The following CTNND2 variants were observed in gnomAD, a reference collection of about 807,000 sequenced individuals.
The protein encoded by CTNND2 is catenin delta-2.
In CTNND2, 22 loss-of-function variants were observed where a neutral mutation model predicts 144.4. The ratio of observed to expected loss-of-function variants is 0.15; its 90% CI spans 0.11 to 0.22. The LOEUF (loss-of-function observed/expected upper bound fraction) is 0.22, where lower values mean the gene tolerates loss of function less well. CTNND2 is among the 10% of genes least tolerant of loss of function. CTNND2 has a pLI of 1.00. For synonymous variants in CTNND2, 751 were observed against 695.6 expected (o/e 1.08, Z -1.25); for missense variants, 1,353 against 1,618.8 (o/e 0.84, Z 2.82).
chr5:11,433,718 G>C (rs536632610), intron 3 of CTNND2, among the ~76,000 whole-genome samples: 1 of 152,274 alleles, frequency 6.6e-6, no homozygotes, highest in African/African-American at 2.4e-5. Flanking sequence ...CTATCGCAGA[G>C]ACAGCACCAA....
At chr5:11,618,784 C>T (rs998027585) in intron 2 of CTNND2, among the ~76,000 whole-genome samples, 5 of 151,996 alleles carry the variant, frequency 3.3e-5, no homozygotes, top group South Asian at 2.1e-4. Flanking sequence ...AGGAATTAGG[C>T]GAGCTTAATT....
intron 11 of CTNND2, among the ~76,000 whole-genome samples, chr5:11,197,472 T>G (rs1736981389): frequency 6.6e-6 from 1 of 152,142 alleles, no homozygotes; most frequent in Non-Finnish European, 1.5e-5. Flanking sequence ...GGTGCAAACC[T>G]CCTTCTTCTT....
chr5:11,758,542 T>C (rs866198824), intron 1 of CTNND2, among the ~76,000 whole-genome samples: 15 of 152,138 alleles, frequency 9.9e-5, no homozygotes, highest in Admixed American at 4.6e-4. Flanking sequence ...ATATAGTACC[T>C]TTTTAATGTG....
chr5:11,315,898 G>C (rs1751427579), intron 9 of CTNND2, among the ~76,000 whole-genome samples: 1 of 152,094 alleles, frequency 6.6e-6, no homozygotes, highest in African/African-American at 2.4e-5. Context: ...ATCACCAGTA[G>C]ATAGAAATCA....
chr5:11,475,357 C>T (rs1000903666), intron 3 of CTNND2, among the ~76,000 whole-genome samples: 1 of 152,154 alleles, frequency 6.6e-6, no homozygotes, highest in East Asian at 1.9e-4. Context: ...TTTTATTCAC[C>T]AAACTCCCTA....
intron 2 of CTNND2, among the ~76,000 whole-genome samples, chr5:11,574,790 T>C (rs949209097): frequency 6.6e-6 from 1 of 152,158 alleles, no homozygotes; most frequent in African/African-American, 2.4e-5. Context: ...CCTATACTTA[T>C]ACCACAATAG....
At chr5:11,709,491 G>A (rs1253838425) in intron 2 of CTNND2, among the ~76,000 whole-genome samples, 1 of 152,146 alleles carries the variant, frequency 6.6e-6, no homozygotes, top group Non-Finnish European at 1.5e-5. Flanking sequence ...TAAAGCACTT[G>A]TCAAAATGTC....
chr5:11,449,008 A>AT (rs879926234), intron 3 of CTNND2, among the ~76,000 whole-genome samples: 2,433 of 145,648 alleles, frequency 0.017, 51 homozygotes, highest in African/African-American at 0.057. Flanking sequence ...TGGCCTCAGA[A>AT]TTTTTTTTTT....
intron 2 of CTNND2, among the ~76,000 whole-genome samples, chr5:11,708,335 A>C (rs890872560): frequency 8.5e-5 from 13 of 152,154 alleles, no homozygotes; most frequent in Non-Finnish European, 1.5e-4. Flanking sequence ...TTTGCTAAGG[A>C]AAAAAGCAAT....
intron 19 of CTNND2, among the ~76,000 whole-genome samples, chr5:10,991,512 G>A (rs1738680053): frequency 1.3e-5 from 2 of 152,128 alleles, no homozygotes; most frequent in South Asian, 2.1e-4. Flanking sequence ...AAACTGTGAG[G>A]AAAACAGCAA....
At chr5:11,245,360 T>C (rs1031163620) in intron 9 of CTNND2, among the ~76,000 whole-genome samples, 4 of 152,206 alleles carry the variant, frequency 2.6e-5, no homozygotes, top group Admixed American at 2.6e-4. Context: ...GCAGATGTGA[T>C]TCAGTATCCT....
At chr5:11,712,935 T>A (rs970600615) in intron 2 of CTNND2, among the ~76,000 whole-genome samples, 6 of 152,192 alleles carry the variant, frequency 3.9e-5, no homozygotes, top group Admixed American at 1.3e-4. Flanking sequence ...CAGAGGTATT[T>A]TTTGATAATA....
At chr5:11,782,669 G>A (rs573278099) in intron 1 of CTNND2, among the ~76,000 whole-genome samples, 117 of 152,280 alleles carry the variant, frequency 7.7e-4, no homozygotes, top group Middle Eastern at 6.8e-3. Context: ...TTATTTGCTT[G>A]GTCCTTAATT....
intron 1 of CTNND2, among the ~76,000 whole-genome samples, chr5:11,900,151 TAGAA>T (rs1737742149): frequency 6.6e-6 from 1 of 152,190 alleles, no homozygotes; most frequent in South Asian, 2.1e-4. Context: ...TTATCTAAGA[TAGAA>T]AGGTTCTAGG....
intron 1 of CTNND2, among the ~76,000 whole-genome samples, chr5:11,786,942 C>G (rs1790869502): frequency 6.6e-6 from 1 of 152,274 alleles, no homozygotes; most frequent in Middle Eastern, 3.4e-3. Flanking sequence ...GGGACTCTGC[C>G]TTCCTAAAGC....
intron 3 of CTNND2, among the ~76,000 whole-genome samples, chr5:11,455,480 G>A (rs561296048): frequency 1.6e-4 from 25 of 152,106 alleles, no homozygotes; most frequent in Admixed American, 7.2e-4. Flanking sequence ...AACAGAGCTG[G>A]TGCATCCCTA....
chr5:11,333,913 C>T (rs528404882), intron 9 of CTNND2, among the ~76,000 whole-genome samples: 33 of 152,220 alleles, frequency 2.2e-4, no homozygotes, highest in African/African-American at 7.5e-4. Flanking sequence ...TCATTTCGGG[C>T]GGGAAGACAG....
chr5:11,311,818 AG>A (rs1750917962), intron 9 of CTNND2, among the ~76,000 whole-genome samples: 1 of 100,852 alleles, frequency 9.9e-6, no homozygotes, highest in Admixed American at 9.6e-5. Context: ...ATACACCCTC[AG>A]CCCACACTCA....
chr5:11,581,636 C>T (rs1778444302), intron 2 of CTNND2, among the ~76,000 whole-genome samples: 1 of 152,156 alleles, frequency 6.6e-6, no homozygotes, highest in Non-Finnish European at 1.5e-5. Flanking sequence ...TGATGGACTC[C>T]TTTGCAAACC....
Sources: gnomAD v4.1 joint callset for allele counts (sites outside exome capture counted in the v4.1 genomes callset) on GRCh38, gnomAD v4.1.1 for gene constraint, MANE v1.5 for transcripts, NCBI Gene and HGNC (gene_info 2026-07-23, HGNC 2026-07-21) for gene names.